The following SLC25A26 variants were observed in gnomAD, a reference collection of about 807,000 sequenced individuals.
SLC25A26 encodes the protein mitochondrial S-adenosylmethionine carrier protein.
A neutral mutation model predicts 37.8 loss-of-function variants in SLC25A26; 36 were observed. That is an observed-to-expected ratio of 0.95 (90% CI 0.73 to 1.26). The LOEUF (loss-of-function observed/expected upper bound fraction) is 1.26, where lower values mean the gene tolerates loss of function less well. Among genes scored for constraint, SLC25A26 ranks in the 50% most tolerant of loss-of-function variants. The pLI is 0.00. For synonymous variants in SLC25A26, 129 were observed against 122.5 expected (o/e 1.05, Z -0.35); for missense variants, 390 against 331.1 (o/e 1.18, Z -1.38).
At chr3:66,216,687 A>G (rs921773249), upstream of SLC25A26, among the ~76,000 whole-genome samples, 3 of 150,178 alleles carry the variant, frequency 2.0e-5, no homozygotes, top group African/African-American at 7.4e-5. Flanking sequence ...GCTAATTTTT[A>G]TAAATACTAT....
intron 5 of SLC25A26, among the ~76,000 whole-genome samples, chr3:66,313,609 T>C (rs2075445400): frequency 1.3e-5 from 2 of 152,330 alleles, no homozygotes; most frequent in African/African-American, 4.8e-5. Flanking sequence ...ATGAGCTCTT[T>C]TTTTATTCCA....
intron 5 of SLC25A26, among the ~76,000 whole-genome samples, chr3:66,285,561 G>A (rs2074484582): frequency 1.5e-5 from 1 of 66,394 alleles, no homozygotes; most frequent in South Asian, 5.3e-4. Context: ...CCGGGTTCAA[G>A]TGGTTCTCCA....
chr3:66,205,995 A>G (rs1014950742), intron 1 of SLC25A26, among the ~76,000 whole-genome samples: 26 of 152,336 alleles, frequency 1.7e-4, no homozygotes, highest in Middle Eastern at 3.4e-3. Context: ...GCTGTAAGCA[A>G]CTATGTCTCA....
At chr3:66,336,684 G>A (rs926058431) in intron 5 of SLC25A26, among the ~76,000 whole-genome samples, 1 of 152,098 alleles carries the variant, frequency 6.6e-6, no homozygotes, top group Non-Finnish European at 1.5e-5. Context: ...TGAACTTCCT[G>A]GATTGCTTCT....
At chr3:66,212,382 C>T (rs1191336228) in intron 1 of SLC25A26, among the ~76,000 whole-genome samples, 1 of 152,024 alleles carries the variant, frequency 6.6e-6, no homozygotes, top group Non-Finnish European at 1.5e-5. Context: ...TCCCAAAGTG[C>T]CAGGATTACA....
At chr3:66,195,490 C>T (rs981011807) in intron 1 of SLC25A26, among the ~76,000 whole-genome samples, 33 of 152,342 alleles carry the variant, frequency 2.2e-4, no homozygotes, top group Admixed American at 1.4e-3. Flanking sequence ...GTAGGAAGAA[C>T]GACACAGGAG....
At chr3:66,198,380 G>C (rs2071071754) in intron 1 of SLC25A26, among the ~76,000 whole-genome samples, 1 of 151,930 alleles carries the variant, frequency 6.6e-6, no homozygotes, top group Non-Finnish European at 1.5e-5. Flanking sequence ...CGGAGTGAAT[G>C]TCAGGGACAT....
intron 1 of SLC25A26, among the ~76,000 whole-genome samples, chr3:66,213,812 C>G (rs1315966577): frequency 6.6e-6 from 1 of 152,032 alleles, no homozygotes; most frequent in Non-Finnish European, 1.5e-5. Context: ...TATCTGTAGT[C>G]CTAACTATTT....
chr3:66,155,874 C>T (rs1014420725), intron 1 of SLC25A26, among the ~76,000 whole-genome samples: 25 of 152,178 alleles, frequency 1.6e-4, no homozygotes, highest in African/African-American at 5.5e-4. Flanking sequence ...ATACAGGCTC[C>T]TCTGCTTTGA....
intron 1 of SLC25A26, among the ~76,000 whole-genome samples, chr3:66,140,164 C>T (rs2070012392): frequency 6.6e-6 from 1 of 152,124 alleles, no homozygotes; most frequent in Non-Finnish European, 1.5e-5. Context: ...TGCTCCATGC[C>T]TATGTATTAA....
intron 5 of SLC25A26, among the ~76,000 whole-genome samples, chr3:66,270,731 C>T (rs34350316): frequency 0.16 from 24,417 of 152,040 alleles, 2,383 homozygotes; most frequent in Non-Finnish European, 0.23. Flanking sequence ...ATTATTACTC[C>T]TCAAACCTGG....
Position 66,346,368 on chromosome 3 carries a change from C to T in SLC25A26, c.458C>T (p.Pro153Leu). 3 of 1,485,456 alleles carry T rather than the reference C, an allele frequency of 2.0e-6. No homozygotes were observed. Among genetic ancestry groups the T allele is most frequent in the Non-Finnish European group, 1.8e-6 (2 of 1,112,890 alleles). The allele number at this position is 1,485,456 out of a possible 1,614,324, so 92.0% of individuals were successfully genotyped here. Residue 153 changes from proline (P) to leucine (L), a missense_variant, in exon 6 of 10, where the codon CCT becomes CTT. By Grantham distance (98) the Pro-to-Leu change is moderately conservative. Coordinates refer to ENST00000354883, the MANE Select transcript of SLC25A26 (RefSeq NM_001379210.1). The part of the protein sequence containing the change: ...GYKSTVLREI[P>L]FSLVQFPLWE... ...ATTTTTTTTTTCTCTCTTCAGATTC[C>T]TTTTTCTTTGGTCCAGTTTCCCTTA...
At chr3:66,173,438 T>G (rs2070529253) in intron 1 of SLC25A26, among the ~76,000 whole-genome samples, 1 of 152,196 alleles carries the variant, frequency 6.6e-6, no homozygotes, top group South Asian at 2.1e-4. Context: ...TTGTAGGTAA[T>G]GCTGTTCTGC....
intron 5 of SLC25A26, among the ~76,000 whole-genome samples, chr3:66,344,175 A>T (rs1447932892): frequency 6.6e-6 from 1 of 152,214 alleles, no homozygotes; most frequent in African/African-American, 2.4e-5. Flanking sequence ...AGATGATGCT[A>T]ATCTTTAAAT....
At chr3:66,362,628 T>C (rs2076737144) in intron 6 of SLC25A26, among the ~76,000 whole-genome samples, 1 of 152,194 alleles carries the variant, frequency 6.6e-6, no homozygotes, top group Admixed American at 6.5e-5. Flanking sequence ...CACACACATA[T>C]GTATTCTCTG....
In SLC25A26 at chr3:66,270,123, C is replaced by T. The variant is rs9810987; in HGVS notation, c.453+6744C>T. Among the ~76,000 whole-genome samples the T allele has an allele frequency of 6.8e-3, 1,033 of 152,244 alleles. 14 individuals carry two copies. The highest frequency in any genetic ancestry group is 0.024 in the African/African-American group (979 of 41,552). Reference sequence around the variant, plus strand: ...AGTGAATCAGGCTTTTGATATACTACATTACTATGATCTTTGCATGAGACA... The same window carrying T: ...AGTGAATCAGGCTTTTGATATACTATATTACTATGATCTTTGCATGAGACA... On this transcript the variant is annotated intron_variant, in intron 5 of 9. Transcript: ENST00000354883.
At chr3:66,309,146 C>T (rs559199444) in intron 5 of SLC25A26, among the ~76,000 whole-genome samples, 1 of 152,210 alleles carries the variant, frequency 6.6e-6, no homozygotes, top group Non-Finnish European at 1.5e-5. Flanking sequence ...GCCATCTGGG[C>T]TCTTTTTGGT....
At chr3:66,358,386 A>G (rs996588052) in intron 6 of SLC25A26, among the ~76,000 whole-genome samples, 1 of 152,238 alleles carries the variant, frequency 6.6e-6, no homozygotes, top group African/African-American at 2.4e-5. Flanking sequence ...ATTTAGAAAA[A>G]TCATTTCAAA....
At chr3:66,315,478 T>G (rs1575553377) in intron 5 of SLC25A26, among the ~76,000 whole-genome samples, 7 of 152,350 alleles carry the variant, frequency 4.6e-5, no homozygotes, top group Admixed American at 4.6e-4. Flanking sequence ...CATTGTGGTC[T>G]AAGAGACTGT....
Sources: allele counts gnomAD v4.1 joint callset (sites outside exome capture counted in the v4.1 genomes callset), GRCh38; gene constraint gnomAD v4.1.1; transcripts MANE v1.5; gene names NCBI Gene and HGNC (gene_info 2026-07-23, HGNC 2026-07-21).